The following BTRC variants were observed in gnomAD, a reference collection of about 807,000 sequenced individuals.
BTRC encodes F-box/WD repeat-containing protein 1A.
In BTRC, 42 loss-of-function variants were observed where a neutral mutation model predicts 85.5. The ratio of observed to expected loss-of-function variants is 0.49; its 90% CI spans 0.38 to 0.64. The LOEUF is 0.64. BTRC is among the 30% of genes least tolerant of loss of function. The pLI is 0.00. For missense variants in BTRC, 594 were observed against 743.5 expected (o/e 0.80, Z 2.34); for synonymous variants, 255 against 263.3 (o/e 0.97, Z 0.30).
intron 4 of BTRC, among the ~76,000 whole-genome samples, chr10:101,517,271 A>G (rs1463145973): frequency 6.6e-6 from 1 of 152,178 alleles, no homozygotes; most frequent in Non-Finnish European, 1.5e-5. Flanking sequence ...ATTCTTGAAA[A>G]TATGCTTTCA....
intron 4 of BTRC, among the ~76,000 whole-genome samples, chr10:101,489,921 G>C (rs1946085346): frequency 6.6e-6 from 1 of 152,092 alleles, no homozygotes; most frequent in Non-Finnish European, 1.5e-5. Context: ...TTTCCTAATA[G>C]AGCTAAAGTT....
At position 101,536,525 on chromosome 10, in the gene BTRC, C is replaced by CT. The variant is rs1239542628; in HGVS notation, c.1467-16dup. On this transcript the variant is annotated splice_polypyrimidine_tract_variant and intron_variant, in intron 11 of 14. Transcript: ENST00000370187. Reference sequence around the variant, plus strand: ...AAAGAATACGTGAAAATTCACCTGACTTAATTTTCTCTTCCAGATTATGGG... The same window carrying CT: ...AAAGAATACGTGAAAATTCACCTGACTTTAATTTTCTCTTCCAGATTATGGG... The CT allele has an allele frequency of 6.4e-7, 1 of 1,574,670 alleles. No homozygotes were observed. The highest frequency in any genetic ancestry group is 8.7e-7 in the Non-Finnish European group (1 of 1,144,582).
intron 3 of BTRC, among the ~76,000 whole-genome samples, chr10:101,468,815 G>A (rs1026342203): frequency 5.9e-5 from 9 of 152,142 alleles, no homozygotes. Context: ...GTAAATAAGG[G>A]CAAGTCTGGC....
At chr10:101,518,226 A>G (rs901467728) in intron 4 of BTRC, among the ~76,000 whole-genome samples, 1 of 152,112 alleles carries the variant, frequency 6.6e-6, no homozygotes, top group Non-Finnish European at 1.5e-5. Flanking sequence ...TAGTGTCTTA[A>G]TTGGCCTCCT....
At chr10:101,541,962 C>T (rs1472344944) in intron 13 of BTRC, among the ~76,000 whole-genome samples, 3 of 151,792 alleles carry the variant, frequency 2.0e-5, no homozygotes, top group African/African-American at 7.3e-5. Context: ...GAAGTGTTCC[C>T]TCATCTATTT....
chr10:101,448,622 G>A (rs143084019), intron 2 of BTRC, among the ~76,000 whole-genome samples: 10 of 152,092 alleles, frequency 6.6e-5, no homozygotes, highest in Admixed American at 2.6e-4. Context: ...AGTTATATTT[G>A]CTGTTTTCTG....
Position 101,389,115 on chromosome 10 carries a change from G to GTTTTTTTTTTTTTTTTTTTT in BTRC, c.48+34888_48+34889insTTTTTTTTTTTTTTTTTTTT, listed in dbSNP as rs1471017781. 2.3e-4 allele frequency among the ~76,000 whole-genome samples: 8 copies of GTTTTTTTTTTTTTTTTTTTT among 35,470 alleles called. 1 individual carries two copies. The highest frequency in any genetic ancestry group is 3.4e-4 in the Admixed American group (1 of 2,984). 23.3% of individuals were successfully genotyped at this position (35,470 alleles called of 152,430 possible). ...ATGTTGCATAATTGTGATTTTTTGT[G>GTTTTTTTTTTTTTTTTTTTT]TGTGTTTTTTTTTTTTTTTTTTTTT... is the stretch of plus-strand genomic sequence containing the variant. On this transcript the variant is annotated intron_variant, in intron 1 of 14. Transcript: ENST00000370187.
At chr10:101,433,037 A>C (rs963129118) in intron 2 of BTRC, among the ~76,000 whole-genome samples, 3 of 152,114 alleles carry the variant, frequency 2.0e-5, no homozygotes, top group African/African-American at 7.2e-5. Flanking sequence ...TCCAGTCGCT[A>C]AATCTCTCAG....
chr10:101,450,171 T>C (rs1944924771), intron 2 of BTRC, among the ~76,000 whole-genome samples: 1 of 152,166 alleles, frequency 6.6e-6, no homozygotes, highest in African/African-American at 2.4e-5. Context: ...TAGTCATTGC[T>C]AAGTTGATGT....
chr10:101,409,262 A>G (rs987342041), intron 1 of BTRC, among the ~76,000 whole-genome samples: 6 of 152,276 alleles, frequency 3.9e-5, no homozygotes, highest in African/African-American at 1.2e-4. Context: ...GCAATCACCA[A>G]TCTGCATTCT....
At position 101,419,956 on chromosome 10, in the gene BTRC, G is replaced by T. The variant is rs140532186; in HGVS notation, c.49-10389G>T. Among the ~76,000 whole-genome samples the T allele has an allele frequency of 4.4e-4, 67 of 152,206 alleles. No individual in the cohort carries two copies. The East Asian group carries it at 0.011, about 24-fold the overall frequency. On this transcript the variant is annotated intron_variant, in intron 1 of 14. Coordinates refer to ENST00000370187, the MANE Select transcript of BTRC (RefSeq NM_033637.4). ...TAAGGAGCTCTGGTTCCTTTTAGTG[G>T]AGAGTGATATTTTGAATCATTAAAT...
At chr10:101,485,191 CTT>C (rs1945949488) in intron 4 of BTRC, among the ~76,000 whole-genome samples, 1 of 151,692 alleles carries the variant, frequency 6.6e-6, no homozygotes, top group African/African-American at 2.4e-5. Context: ...CAAAAAGAGA[CTT>C]AAAAAAAAAA....
At chr10:101,474,532 G>A (rs1050511710) in intron 3 of BTRC, among the ~76,000 whole-genome samples, 1 of 152,160 alleles carries the variant, frequency 6.6e-6, no homozygotes, top group East Asian at 1.9e-4. Flanking sequence ...TCCCCTTCAT[G>A]TACGTAGTTT....
chr10:101,542,102 G>A (rs770459351), intron 13 of BTRC, among the ~76,000 whole-genome samples: 4 of 152,078 alleles, frequency 2.6e-5, no homozygotes, highest in African/African-American at 7.2e-5. Flanking sequence ...AATAAATACA[G>A]CACTCTTCAG....
Position 101,555,727 on chromosome 10 carries a change from A to T in BTRC, c.*2604A>T, listed in dbSNP as rs1443395024. ...TGACCTTTTTAAAACGAAAAGAGAG[A>T]CAAAGTCTCAGCACATTCCAAGGAG... On this transcript the variant is annotated 3_prime_UTR_variant, in exon 15 of 15. Transcript: ENST00000370187. 1 of 152,638 alleles carries T rather than the reference A, an allele frequency of 6.6e-6. No individual in the cohort carries two copies. The highest frequency in any genetic ancestry group is 1.5e-5 in the Non-Finnish European group (1 of 68,054). The allele number at this position is 152,638 out of a possible 1,614,324, so 9.5% of individuals were successfully genotyped here. A position where few individuals can be genotyped will look rare whatever the true frequency, so the allele number is the denominator to read the frequency against.
chr10:101,484,283 G>A lies in BTRC; in HGVS notation c.324+4826G>A, dbSNP rs1297688920. 6.6e-5 allele frequency among the ~76,000 whole-genome samples: 10 copies of A among 152,112 alleles called. No homozygotes were observed. In the East Asian group the frequency reaches 9.6e-4, roughly 15 times the overall value. ...TTTATTTATTTCCAAAATTATATCC[G>A]CAGGAAACAAGCTGTTTAAATTCAG... is the stretch of plus-strand genomic sequence containing the variant. On this transcript the variant is annotated intron_variant, in intron 4 of 14. Coordinates refer to ENST00000370187, the MANE Select transcript of BTRC (RefSeq NM_033637.4).
chr10:101,405,489 A>G (rs1005679298), intron 1 of BTRC, among the ~76,000 whole-genome samples: 7 of 152,344 alleles, frequency 4.6e-5, no homozygotes, highest in Middle Eastern at 3.4e-3. Context: ...AGCTAGAACT[A>G]GAGGGCTTTT....
intron 1 of BTRC, among the ~76,000 whole-genome samples, chr10:101,410,996 C>CTT (rs11356520): frequency 8.1e-4 from 99 of 122,440 alleles, no homozygotes; most frequent in African/African-American, 1.4e-3. Flanking sequence ...ATTTCTGGCA[C>CTT]TTTTTTTTTT....
In BTRC at chr10:101,426,352, A is replaced by G. The variant is rs146505169; in HGVS notation, c.49-3993A>G. Among the ~76,000 whole-genome samples, 336 of 152,326 alleles carry G rather than the reference A, an allele frequency of 2.2e-3. 2 individuals are homozygous for G. Among genetic ancestry groups the G allele is most frequent in the African/African-American group, 7.2e-3 (301 of 41,562 alleles). ...TGTGCAGATCTGACTATATTCAAGTATAGTTTTCATACCCATACCAATTGT... is the reference window on the plus strand; with the variant it reads ...TGTGCAGATCTGACTATATTCAAGTGTAGTTTTCATACCCATACCAATTGT... On this transcript the variant is annotated intron_variant, in intron 1 of 14. Coordinates refer to ENST00000370187, the MANE Select transcript of BTRC (RefSeq NM_033637.4).
Sources: allele counts gnomAD v4.1 joint callset (sites outside exome capture counted in the v4.1 genomes callset), GRCh38; gene constraint gnomAD v4.1.1; transcripts MANE v1.5; gene names NCBI Gene and HGNC (gene_info 2026-07-23, HGNC 2026-07-21).